PRDM16: variants seen among roughly 807,000 people sequenced by gnomAD.
PRDM16 encodes PR/SET domain 16.
In PRDM16, 23 loss-of-function variants were observed where a neutral mutation model predicts 110.6. The observed-to-expected ratio is 0.21, with a 90% CI of 0.15 to 0.29. PRDM16 has a LOEUF of 0.29. PRDM16 is among the 10% of genes least tolerant of loss of function. The probability of loss-of-function intolerance (pLI) is 1.00; values close to 1 mark genes in which losing one functional copy is unlikely to be tolerated. For synonymous variants in PRDM16, 799 were observed against 781.8 expected, an observed-to-expected ratio of 1.02 and a Z score of -0.37; for missense variants, 1,615 against 1,794.3, an observed-to-expected ratio of 0.90 and a Z score of 1.81.
chr1:3,384,027 TCAAGGACACGCCTGCCCA>T (rs1347879869), intron 3 of PRDM16, among the ~76,000 whole-genome samples: 1 of 136,800 alleles, frequency 7.3e-6, no homozygotes, highest in Non-Finnish European at 1.6e-5. Context: ...ATACACCTGC[TCAAGGACACGCCTGCCCA>T]CAAGGACACA....
chr1:3,341,611 C>A (rs1642274195), intron 3 of PRDM16, among the ~76,000 whole-genome samples: 1 of 152,234 alleles, frequency 6.6e-6, no homozygotes, highest in South Asian at 2.1e-4. Context: ...GATCGCTCAA[C>A]TTAGGAATGT....
chr1:3,291,572 C>T (rs535408024), intron 3 of PRDM16, among the ~76,000 whole-genome samples: 3 of 152,128 alleles, frequency 2.0e-5, no homozygotes, highest in Admixed American at 6.5e-5. Context: ...CTCCTCCCGC[C>T]CCTGCCCATC....
rs924397429 is a variant in PRDM16 at position 3,435,739 on chromosome 1, T to C, written c.*1928T>C. The C allele has an allele frequency of 6.5e-5, 15 of 232,508 alleles. No individual in the cohort carries two copies. The highest frequency in any genetic ancestry group is 1.3e-4 in the Non-Finnish European group (15 of 117,690). 14.4% of individuals were successfully genotyped at this position (232,508 alleles called of 1,614,324 possible). A position where few individuals can be genotyped will look rare whatever the true frequency, so the allele number is the denominator to read the frequency against. ...TCCCCAGCGGTGACGGGAGGTGTCC[T>C]GGCTGCTCCAGGACAAAAGACAATC... On this transcript the variant is annotated 3_prime_UTR_variant, in exon 17 of 17. Transcript: ENST00000270722.
At position 3,156,173 on chromosome 1, in the gene PRDM16, C is replaced by T. The variant is rs575091866; in HGVS notation, c.38-29952C>T. On this transcript the variant is annotated intron_variant, in intron 1 of 16. Coordinates refer to ENST00000270722, the MANE Select transcript of PRDM16 (RefSeq NM_022114.4). The stretch of plus-strand genomic sequence containing the variant: ...TTCCTCTCCCATTTATTTAGATAAC[C>T]TACTTTGAGCCGTGATAGAATGAGG... Among the ~76,000 whole-genome samples the T allele has an allele frequency of 1.8e-4, 28 of 152,232 alleles. No individual in the cohort carries two copies. The South Asian group carries it at 5.8e-3, about 32-fold the overall frequency.
rs189503516 is a variant in PRDM16, at chr1:3,403,309, G to A, written c.884+311G>A. The stretch of plus-strand genomic sequence containing the variant: ...TCATGGCCCTGCCTGCCAGGGCTGC[G>A]CTGCGGGGAGAAACTAGAAAGGAGA... On this transcript the variant is annotated intron_variant, in intron 6 of 16. Transcript: ENST00000270722. Among the ~76,000 whole-genome samples, 539 of 152,318 alleles carry A rather than the reference G, an allele frequency of 3.5e-3. 2 individuals carry two copies. The highest frequency in any genetic ancestry group is 0.012 in the African/African-American group (509 of 41,578).
chr1:3,233,506 T>C (rs947867540), intron 2 of PRDM16, among the ~76,000 whole-genome samples: 23 of 152,230 alleles, frequency 1.5e-4, no homozygotes, highest in African/African-American at 5.1e-4. Context: ...GCATGGAACA[T>C]CCCCTGCTCA....
At chr1:3,183,824 G>A (rs1644237400) in intron 1 of PRDM16, among the ~76,000 whole-genome samples, 3 of 152,204 alleles carry the variant, frequency 2.0e-5, no homozygotes, top group South Asian at 4.1e-4. Flanking sequence ...GGGCTCCAGC[G>A]GAACTCCCAG....
At chr1:3,315,716 T>C (rs1373734066) in intron 3 of PRDM16, among the ~76,000 whole-genome samples, 1 of 152,240 alleles carries the variant, frequency 6.6e-6, no homozygotes, top group Admixed American at 6.5e-5. Flanking sequence ...AAAGCCGATC[T>C]ACCCAGGCTG....
At position 3,241,996 on chromosome 1, in the gene PRDM16, T is replaced by C. The variant is rs78460295; in HGVS notation, c.388-2091T>C. Among the ~76,000 whole-genome samples the C allele has an allele frequency of 2.6e-5, 4 of 152,266 alleles. No homozygotes were observed. In the East Asian group the frequency reaches 5.8e-4, roughly 22 times the overall value. On this transcript the variant is annotated intron_variant, in intron 2 of 16. Coordinates refer to ENST00000270722, the MANE Select transcript of PRDM16 (RefSeq NM_022114.4). ...CTGGGCTGACCCTGCCTGGGAGTGA[T>C]CGTGGGGGTGTCACCTGCATTGGGA... is the stretch of plus-strand genomic sequence containing the variant.
intron 3 of PRDM16, among the ~76,000 whole-genome samples, chr1:3,312,143 G>C (rs1275313436): frequency 6.6e-6 from 1 of 152,306 alleles, no homozygotes; most frequent in East Asian, 1.9e-4. Flanking sequence ...GTGTGAAATG[G>C]GATGTGCTGC....
At chr1:3,182,319 C>A (rs1293896353) in intron 1 of PRDM16, among the ~76,000 whole-genome samples, 1 of 152,208 alleles carries the variant, frequency 6.6e-6, no homozygotes, top group Non-Finnish European at 1.5e-5. Context: ...GGTAATCCCC[C>A]TCTGAGGGCA....
Position 3,351,721 on chromosome 1 carries a change from CT to C in PRDM16, c.439-33430del, listed in dbSNP as rs376256233. ...TGTCTCTCCCTTCCTCTGTCTCCCCCTCCCTCTGTCTCTCCTCTCCCTCTCT... is the reference window on the plus strand; with the variant it reads ...TGTCTCTCCCTTCCTCTGTCTCCCCCCCCTCTGTCTCTCCTCTCCCTCTCT... On this transcript the variant is annotated intron_variant, in intron 3 of 16. Coordinates refer to ENST00000270722, the MANE Select transcript of PRDM16 (RefSeq NM_022114.4). Among the ~76,000 whole-genome samples the C allele has an allele frequency of 2.2e-4, 24 of 107,244 alleles. 1 individual carries two copies. In the South Asian group the frequency reaches 6.6e-3, roughly 30 times the overall value. 70.4% of individuals were successfully genotyped at this position (107,244 alleles called of 152,430 possible).
At chr1:3,336,246 G>T (rs1371653242) in intron 3 of PRDM16, among the ~76,000 whole-genome samples, 1 of 152,236 alleles carries the variant, frequency 6.6e-6, no homozygotes, top group East Asian at 1.9e-4. Context: ...ATATATGTAT[G>T]TTGGAGTCTG....
At chr1:3,286,711 A>G (rs111756326) in intron 3 of PRDM16, among the ~76,000 whole-genome samples, 3,712 of 152,080 alleles carry the variant, frequency 0.024, 65 homozygotes, top group Non-Finnish European at 0.038. Flanking sequence ...TCTAGTCACC[A>G]TTTTCATACC....
At position 3,238,849 on chromosome 1, in the gene PRDM16, G is replaced by C. The variant is rs12078962; in HGVS notation, c.388-5238G>C. ...TCCTGGAGTCAGGAGGCCCAGACTC[G>C]AGTGCGGGCGCTGCCCTGAGCAGCT... On this transcript the variant is annotated intron_variant, in intron 2 of 16. Coordinates refer to ENST00000270722, the MANE Select transcript of PRDM16 (RefSeq NM_022114.4). Among the ~76,000 whole-genome samples, 558 of 152,358 alleles carry C rather than the reference G, an allele frequency of 3.7e-3. 4 individuals are homozygous for C. Among genetic ancestry groups the C allele is most frequent in the African/African-American group, 0.013 (529 of 41,594 alleles).
chr1:3,118,839 C>T (rs1373878951), intron 1 of PRDM16, among the ~76,000 whole-genome samples: 1 of 152,204 alleles, frequency 6.6e-6, no homozygotes, highest in Non-Finnish European at 1.5e-5. Context: ...TGTGCACTTG[C>T]AGGTGTTTGG....
intron 2 of PRDM16, among the ~76,000 whole-genome samples, chr1:3,237,581 C>T (rs1312496325): frequency 6.6e-6 from 1 of 152,060 alleles, no homozygotes; most frequent in East Asian, 1.9e-4. Flanking sequence ...TGCTCAATAC[C>T]ACTTATGAAA....
At chr1:3,100,703 A>G (rs1642512025) in intron 1 of PRDM16, among the ~76,000 whole-genome samples, 1 of 152,116 alleles carries the variant, frequency 6.6e-6, no homozygotes, top group East Asian at 1.9e-4. Flanking sequence ...GGTTCCCGTG[A>G]GGAAGATAGA....
intron 2 of PRDM16, among the ~76,000 whole-genome samples, chr1:3,224,480 C>T (rs551536912): frequency 3.4e-4 from 52 of 152,212 alleles, no homozygotes; most frequent in Non-Finnish European, 5.7e-4. Context: ...TGCCCAGGGC[C>T]ACTCTCTCTC....
Sources: gnomAD v4.1 joint callset for allele counts (sites outside exome capture counted in the v4.1 genomes callset) on GRCh38, gnomAD v4.1.1 for gene constraint, MANE v1.5 for transcripts, NCBI Gene and HGNC (gene_info 2026-07-23, HGNC 2026-07-21) for gene names.